BACE2: variants seen among roughly 807,000 people sequenced by gnomAD.
The protein encoded by BACE2 is beta-secretase 2, also known as 56 kDa aspartic-like protease.
A neutral mutation model predicts 46.2 loss-of-function variants in BACE2; 17 were observed. The observed-to-expected ratio is 0.37, with a 90% CI of 0.25 to 0.55. BACE2 has a LOEUF of 0.55. BACE2 is among the 20% of genes least tolerant of loss of function. BACE2 has a pLI of 0.82. For missense variants in BACE2, 595 were observed against 698.1 expected (o/e 0.85, Z 1.66); for synonymous variants, 277 against 295.9 (o/e 0.94, Z 0.66).
chr21:41,204,078 G>A (rs1468518129), intron 1 of BACE2, among the ~76,000 whole-genome samples: 1 of 152,180 alleles, frequency 6.6e-6, no homozygotes, highest in Non-Finnish European at 1.5e-5. Context: ...GTGCAGTGGT[G>A]CAGTCTTGGC....
rs1260057883 is a variant in BACE2, at chr21:41,276,256, A to G, written c.*632A>G. Reference sequence around the variant, plus strand: ...AGGTCATCAACCGATGGTCCTCACAAGCCTCTTCTGAAGATGGAAGGCCTT... The same window carrying G: ...AGGTCATCAACCGATGGTCCTCACAGGCCTCTTCTGAAGATGGAAGGCCTT... On this transcript the variant is annotated 3_prime_UTR_variant, in exon 9 of 9. Transcript: ENST00000330333. 6.6e-6 allele frequency: 1 copy of G among 152,558 alleles called. No individual in the cohort carries two copies. The highest frequency in any genetic ancestry group is 2.4e-5 in the African/African-American group (1 of 41,454). The allele number at this position is 152,558 out of a possible 1,614,324, so 9.5% of individuals were successfully genotyped here. A position where few individuals can be genotyped will look rare whatever the true frequency, so the allele number is the denominator to read the frequency against.
At chr21:41,222,238 A>G (rs890803580) in intron 1 of BACE2, among the ~76,000 whole-genome samples, 5 of 152,230 alleles carry the variant, frequency 3.3e-5, no homozygotes, top group Non-Finnish European at 7.3e-5. Flanking sequence ...AGCCCACTGC[A>G]GGCGGTGTTC....
chr21:41,239,412 C>T (rs1987226955), intron 3 of BACE2, among the ~76,000 whole-genome samples: 1 of 152,144 alleles, frequency 6.6e-6, no homozygotes, highest in Admixed American at 6.6e-5. Flanking sequence ...GAGTCTCACT[C>T]TATTTCCCAG....
intron 1 of BACE2, among the ~76,000 whole-genome samples, chr21:41,223,558 C>A (rs971375423): frequency 6.6e-6 from 1 of 152,136 alleles, no homozygotes; most frequent in Non-Finnish European, 1.5e-5. Flanking sequence ...TTACTTGGCA[C>A]CCCCCGTGTG....
At chr21:41,265,016 T>C (rs1023314159) in intron 8 of BACE2, among the ~76,000 whole-genome samples, 8 of 152,160 alleles carry the variant, frequency 5.3e-5, no homozygotes, top group Admixed American at 3.9e-4. Flanking sequence ...AGTTAACTTT[T>C]CTATAGTGTT....
At chr21:41,203,913 G>C (rs982524661) in intron 1 of BACE2, among the ~76,000 whole-genome samples, 1 of 152,192 alleles carries the variant, frequency 6.6e-6, no homozygotes, top group African/African-American at 2.4e-5. Context: ...AGAGAGAAGA[G>C]CTGTTTTTGG....
chr21:41,269,621 C>G (rs528986956), intron 8 of BACE2, among the ~76,000 whole-genome samples: 5 of 152,288 alleles, frequency 3.3e-5, no homozygotes, highest in African/African-American at 1.2e-4. Flanking sequence ...TGTCTGACTG[C>G]TTTCACACAA....
At chr21:41,226,193 A>G (rs1213060468) in intron 1 of BACE2, 73 bp from the exon 2 acceptor site, 3 of 1,169,382 alleles carry the variant, frequency 2.6e-6, no homozygotes, top group Non-Finnish European at 2.5e-6. Flanking sequence ...TTTTAAAAAC[A>G]TTATTCAAGA....
chr21:41,226,224 CTT>C (rs1230942371), intron 1 of BACE2, 40 bp from the exon 2 acceptor site: 9 of 1,497,856 alleles, frequency 6.0e-6, no homozygotes, highest in Non-Finnish European at 8.3e-6. Flanking sequence ...ATTAAAATAA[CTT>C]GATGCTTTCT....
At chr21:41,223,064 C>T (rs1986704543) in intron 1 of BACE2, among the ~76,000 whole-genome samples, 1 of 152,144 alleles carries the variant, frequency 6.6e-6, no homozygotes, top group African/African-American at 2.4e-5. Flanking sequence ...CTGAAAACAA[C>T]AGGAATGGGC....
rs113773444 is a variant in BACE2, at chr21:41,245,904, G to A, written c.883-58G>A. ...AGATGGTGATGGCGGCTAGAGCCAC[G>A]TGGGGCGGGGAGCGCCACTGTCACT... On this transcript the variant is annotated intron_variant, in intron 5 of 8. Coordinates refer to ENST00000330333, the MANE Select transcript of BACE2 (RefSeq NM_012105.5). 35 of 1,383,280 alleles carry A rather than the reference G, an allele frequency of 2.5e-5. 1 individual carries two copies. In the East Asian group the frequency reaches 7.8e-4, roughly 31 times the overall value. The allele number at this position is 1,383,280 out of a possible 1,614,324, so 85.7% of individuals were successfully genotyped here.
Position 41,250,739 on chromosome 21 carries a change from T to G in BACE2, c.985-13T>G. On this transcript the variant is annotated splice_polypyrimidine_tract_variant and intron_variant, in intron 6 of 8. Transcript: ENST00000330333. ...ACTAGTCATGGTTTCTGATGTGATC[T>G]TGTTTTGTCTAGATTCCAGAATTCT... 1 of 1,613,854 alleles carries G rather than the reference T, an allele frequency of 6.2e-7. No individual in the cohort carries two copies.
intron 8 of BACE2, among the ~76,000 whole-genome samples, chr21:41,266,946 TTGTGTGTGTGTGTG>T (rs10527457): frequency 3.2e-4 from 48 of 148,382 alleles, no homozygotes; most frequent in Non-Finnish European, 3.1e-4. Context: ...CTCACAGTGT[TTGTGTGTGTGTGTG>T]TGTGTGTGTG....
chr21:41,249,676 G>A (rs1051118020), intron 6 of BACE2, among the ~76,000 whole-genome samples: 18 of 152,142 alleles, frequency 1.2e-4, no homozygotes, highest in South Asian at 8.3e-4. Flanking sequence ...TCTTCCTTGG[G>A]GAAGCTCCCT....
Position 41,199,493 on chromosome 21 carries a change from G to A in BACE2, c.313-26773G>A, listed in dbSNP as rs545365782. 5.3e-5 allele frequency among the ~76,000 whole-genome samples: 8 copies of A among 152,296 alleles called. No homozygotes were observed. In the East Asian group the frequency reaches 9.7e-4, roughly 18 times the overall value. ...AAGTGTCTTGTCTGGGTGCCCCGGG[G>A]AAAGTAGTACCACCCAGTGTCCAAG... On this transcript the variant is annotated intron_variant, in intron 1 of 8. Coordinates refer to ENST00000330333, the MANE Select transcript of BACE2 (RefSeq NM_012105.5).
In BACE2 at chr21:41,237,581, T is replaced by G. The variant is rs757873780; in HGVS notation, c.470T>G (p.Phe157Cys). The G allele has an allele frequency of 1.9e-6, 3 of 1,614,244 alleles. No individual in the cohort carries two copies. In the South Asian group the frequency reaches 3.3e-5, roughly 18 times the overall value. The stretch of plus-strand genomic sequence containing the variant: ...TACACACAAGGAAGCTGGACGGGCT[T>G]CGTTGGGGAAGACCTCGTCACCATC... Reference protein sequence around the residue: ...VKYTQGSWTGFVGEDLVTIPK... With the variant: ...VKYTQGSWTGCVGEDLVTIPK... The change falls in exon 3 of 9, where the codon TTC becomes TGC. Residue 157 changes from phenylalanine (F) to cysteine (C), a missense_variant. This residue lies in a region of BACE2 where 248 missense variants were observed against 261.4 expected (regional missense o/e 0.95). Coordinates refer to ENST00000330333, the MANE Select transcript of BACE2 (RefSeq NM_012105.5).
chr21:41,202,106 T>G (rs1472365808), intron 1 of BACE2, among the ~76,000 whole-genome samples: 1 of 152,248 alleles, frequency 6.6e-6, no homozygotes, highest in African/African-American at 2.4e-5. Context: ...ATAAATTATT[T>G]TCAAAAGTCT....
chr21:41,186,608 G>A (rs1985385307), intron 1 of BACE2: 1 of 152,296 alleles, frequency 6.6e-6, no homozygotes, highest in Non-Finnish European at 1.5e-5. Flanking sequence ...AGATGATGCA[G>A]GACAGGCAAG....
chr21:41,173,881 CTTATG>C (rs1304632463), intron 1 of BACE2, among the ~76,000 whole-genome samples: 1 of 152,048 alleles, frequency 6.6e-6, no homozygotes, highest in Non-Finnish European at 1.5e-5. Flanking sequence ...GTAATAAACA[CTTATG>C]TTGGGATGGA....
Sources: gnomAD v4.1 joint callset for allele counts (sites outside exome capture counted in the v4.1 genomes callset) on GRCh38, gnomAD v4.1.1 for gene constraint, gnomAD v4.1.1 regional missense constraint, MANE v1.5 for transcripts, NCBI Gene and HGNC (gene_info 2026-07-23, HGNC 2026-07-21) for gene names.